KAZN: variants seen among roughly 807,000 people sequenced by gnomAD.
KAZN encodes the protein kazrin, periplakin interacting protein.
In KAZN, 40 loss-of-function variants were observed where a neutral mutation model predicts 87.4. That is an observed-to-expected ratio of 0.46 (90% CI 0.36 to 0.60). KAZN has a LOEUF of 0.60. Among genes scored for constraint, KAZN ranks in the 20% least tolerant of loss-of-function variants. The probability of loss-of-function intolerance (pLI) is 0.00; values close to 1 mark genes in which losing one functional copy is unlikely to be tolerated. For synonymous variants in KAZN, 466 were observed against 458.3 expected (o/e 1.02, Z -0.22); for missense variants, 898 against 1,073.9 (o/e 0.84, Z 2.29).
intron 2 of KAZN, among the ~76,000 whole-genome samples, chr1:14,312,173 C>A (rs571652471): frequency 6.6e-6 from 1 of 152,144 alleles, no homozygotes; most frequent in Non-Finnish European, 1.5e-5. Flanking sequence ...TTGAAGCCAG[C>A]AGACTCAGGT....
chr1:14,636,876 A>G lies in KAZN; in HGVS notation c.226+37653A>G, dbSNP rs75667628. Among the ~76,000 whole-genome samples, 983 of 152,308 alleles carry G rather than the reference A, an allele frequency of 6.5e-3. 8 individuals are homozygous for G. Among genetic ancestry groups the G allele is most frequent in the African/African-American group, 0.023 (946 of 41,576 alleles). ...CCAAAGGGAATCAAAAGAGGAAATA[A>G]CCAAAGTGATCTTACCCTCCTGCTC... On this transcript the variant is annotated intron_variant, in intron 1 of 14. Transcript: ENST00000376030.
chr1:14,434,134 A>G (rs1666243073), intron 2 of KAZN, among the ~76,000 whole-genome samples: 2 of 152,232 alleles, frequency 1.3e-5, no homozygotes, highest in Admixed American at 6.5e-5. Flanking sequence ...TTTATTTTCA[A>G]TCCATTGCAT....
At chr1:14,296,821 G>A (rs2100764989) in intron 2 of KAZN, among the ~76,000 whole-genome samples, 1 of 151,978 alleles carries the variant, frequency 6.6e-6, no homozygotes, top group Non-Finnish European at 1.5e-5. Flanking sequence ...ATTTTTAGTA[G>A]AGACGGGATT....
chr1:13,916,301 T>G (rs1246206429), intron 1 of KAZN, among the ~76,000 whole-genome samples: 2 of 152,172 alleles, frequency 1.3e-5, no homozygotes, highest in Non-Finnish European at 2.9e-5. Context: ...AGGGATGGCA[T>G]GCAGCAGGAG....
intron 2 of KAZN, among the ~76,000 whole-genome samples, chr1:14,991,304 T>A (rs561336887): frequency 1.3e-5 from 2 of 151,734 alleles, no homozygotes; most frequent in East Asian, 1.9e-4. Context: ...GCAGTGAGCC[T>A]AGATCGCACC....
chr1:14,888,813 G>C (rs1050655280), intron 1 of KAZN, among the ~76,000 whole-genome samples: 2 of 152,030 alleles, frequency 1.3e-5, no homozygotes, highest in African/African-American at 4.8e-5. Flanking sequence ...GGCTCTGCTC[G>C]GTGTCATCTC....
intron 2 of KAZN, among the ~76,000 whole-genome samples, chr1:14,969,433 G>A (rs1040954355): frequency 5.3e-5 from 8 of 152,160 alleles, no homozygotes; most frequent in South Asian, 4.1e-4. Context: ...GGTGGCTCTC[G>A]GGGCTGCTGC....
chr1:14,201,538 T>C (rs1646639703), intron 2 of KAZN, among the ~76,000 whole-genome samples: 1 of 152,162 alleles, frequency 6.6e-6, no homozygotes, highest in African/African-American at 2.4e-5. Flanking sequence ...TCTGTCCTGC[T>C]CCTGAAAGGG....
intron 1 of KAZN, among the ~76,000 whole-genome samples, chr1:14,819,806 C>T (rs1467549324): frequency 1.4e-5 from 2 of 145,328 alleles, no homozygotes; most frequent in Non-Finnish European, 3.0e-5. Flanking sequence ...CTCCTGGGTT[C>T]AAGCAATTCT....
At chr1:14,443,874 A>G (rs1428951670) in intron 2 of KAZN, among the ~76,000 whole-genome samples, 2 of 152,182 alleles carry the variant, frequency 1.3e-5, no homozygotes, top group Non-Finnish European at 2.9e-5. Flanking sequence ...TGCACTTTGA[A>G]TAAAAGAGTT....
At chr1:15,035,110 G>A (rs1044487024) in intron 3 of KAZN, among the ~76,000 whole-genome samples, 22 of 151,876 alleles carry the variant, frequency 1.4e-4, no homozygotes, top group African/African-American at 5.1e-4. Flanking sequence ...TCAGGAGTCC[G>A]GGGGGTTCAG....
intron 2 of KAZN, among the ~76,000 whole-genome samples, chr1:14,334,713 T>A (rs1251356783): frequency 6.6e-6 from 1 of 152,166 alleles, no homozygotes; most frequent in Non-Finnish European, 1.5e-5. Flanking sequence ...TGCTTTTGAG[T>A]TCACTCAGGT....
intron 2 of KAZN, among the ~76,000 whole-genome samples, chr1:14,415,711 A>G (rs952111751): frequency 2.6e-5 from 4 of 152,134 alleles, no homozygotes; most frequent in African/African-American, 9.7e-5. Flanking sequence ...TCAGCAACCC[A>G]TGGCAGCAGG....
chr1:14,176,019 A>G (rs1472040214), intron 1 of KAZN, among the ~76,000 whole-genome samples: 3 of 152,194 alleles, frequency 2.0e-5, no homozygotes, highest in Non-Finnish European at 2.9e-5. Flanking sequence ...TTTAAAATGT[A>G]TAGTCATAAT....
intron 1 of KAZN, among the ~76,000 whole-genome samples, chr1:14,790,236 T>C (rs190941857): frequency 1.1e-4 from 17 of 152,082 alleles, no homozygotes; most frequent in Non-Finnish European, 2.5e-4. Flanking sequence ...AGTCTTGAAC[T>C]CCCGACCTTA....
At chr1:15,027,298 T>G (rs796267847) in intron 2 of KAZN, among the ~76,000 whole-genome samples, 5 of 151,990 alleles carry the variant, frequency 3.3e-5, no homozygotes, top group African/African-American at 1.2e-4. Context: ...GCCAGGATGG[T>G]CTGGTTCTCC....
rs993297803 is a variant in KAZN at position 15,099,721 on chromosome 1, G to T, written c.1548-1822G>T. ...GCCACAGAGTGTTGAGCAGGGGAGT[G>T]CACGGTCACACTGACATTTTAAAAG... On this transcript the variant is annotated intron_variant, in intron 10 of 14. Coordinates refer to ENST00000376030, the MANE Select transcript of KAZN (RefSeq NM_201628.3). The surrounding 1 kb of genome is among the most constrained non-coding windows in gnomAD (Gnocchi z 5.4). Among the ~76,000 whole-genome samples, 1 of 152,146 alleles carries T rather than the reference G, an allele frequency of 6.6e-6. No homozygotes were observed. Among genetic ancestry groups the T allele is most frequent in the African/African-American group, 2.4e-5 (1 of 41,414 alleles).
chr1:14,520,010 C>T (rs946868874), intron 2 of KAZN, among the ~76,000 whole-genome samples: 5 of 152,118 alleles, frequency 3.3e-5, no homozygotes, highest in African/African-American at 1.2e-4. Context: ...TTGCACAGAT[C>T]GTGCCATAGG....
chr1:14,488,884 T>C (rs1163610803), intron 2 of KAZN, among the ~76,000 whole-genome samples: 1 of 152,238 alleles, frequency 6.6e-6, no homozygotes, highest in African/African-American at 2.4e-5. Context: ...TATTTTGACT[T>C]GATGACTGTG....
Sources: gnomAD v4.1 joint callset for allele counts (sites outside exome capture counted in the v4.1 genomes callset) on GRCh38, gnomAD v4.1.1 for gene constraint, Gnocchi (gnomAD v3.1) non-coding constraint, MANE v1.5 for transcripts, NCBI Gene and HGNC (gene_info 2026-07-23, HGNC 2026-07-21) for gene names.